The following FAM135A variants were observed in gnomAD, a reference collection of about 807,000 sequenced individuals.
FAM135A encodes family with sequence similarity 135 member A.
FAM135A carries 79 observed loss-of-function variants against 146.8 expected under a neutral mutation model. That is an observed-to-expected ratio of 0.54 (90% CI 0.45 to 0.65). The LOEUF is 0.65. Ranked by LOEUF, FAM135A falls within the 30% of genes least tolerant of loss-of-function variation. The probability of loss-of-function intolerance (pLI) is 0.00; values close to 1 mark genes in which losing one functional copy is unlikely to be tolerated. For synonymous variants in FAM135A, 562 were observed against 603.6 expected, an observed-to-expected ratio of 0.93 and a Z score of 1.01; for missense variants, 1,623 against 1,758.2, an observed-to-expected ratio of 0.92 and a Z score of 1.38.
At chr6:70,473,278 C>T (rs986045679) in intron 5 of FAM135A, among the ~76,000 whole-genome samples, 2 of 152,186 alleles carry the variant, frequency 1.3e-5, no homozygotes, top group Admixed American at 6.5e-5. Flanking sequence ...CCAACCATTT[C>T]TACAAAGCTG....
rs140780976 is a variant in FAM135A, at chr6:70,548,520, C to T, written c.4229-8230C>T. Among the ~76,000 whole-genome samples, 7 of 152,238 alleles carry T rather than the reference C, an allele frequency of 4.6e-5. No individual in the cohort carries two copies. The East Asian group carries it at 1.2e-3, about 25-fold the overall frequency. On this transcript the variant is annotated intron_variant, in intron 20 of 21. Transcript: ENST00000418814. ...GATTTTGCCTGCTTCCACTGAGCTG[C>T]GTGAACATGAGGAGCCATAGACACC...
intron 2 of FAM135A, among the ~76,000 whole-genome samples, chr6:70,424,859 C>T (rs2127741982): frequency 6.6e-6 from 1 of 152,178 alleles, no homozygotes. Context: ...GTTTTATTTC[C>T]ACATAACAGT....
intron 5 of FAM135A, among the ~76,000 whole-genome samples, chr6:70,455,621 T>A (rs1275026160): frequency 1.3e-5 from 2 of 152,274 alleles, no homozygotes; most frequent in South Asian, 2.1e-4. Context: ...GTGTACTCTT[T>A]TGAACATCCT....
intron 2 of FAM135A, among the ~76,000 whole-genome samples, chr6:70,421,869 CTG>C (rs753220420): frequency 6.6e-6 from 1 of 152,190 alleles, no homozygotes; most frequent in African/African-American, 2.4e-5. Flanking sequence ...AGCCAGCAGA[CTG>C]TGCAGGAGGG....
At chr6:70,414,045 G>C (rs1040226969) in intron 1 of FAM135A, 43 of 985,432 alleles carry the variant, frequency 4.4e-5, no homozygotes, top group Non-Finnish European at 5.2e-5. Context: ...CATCTTCGTC[G>C]CTCTGTCCCT....
chr6:70,464,667 C>CTTTTTTTTTTTTTT (rs533623758), intron 5 of FAM135A, among the ~76,000 whole-genome samples: 12 of 99,354 alleles, frequency 1.2e-4, no homozygotes, highest in Non-Finnish European at 2.1e-4. Flanking sequence ...TCTTTTTTTT[C>CTTTTTTTTTTTTTT]TTTTTTTTTT....
chr6:70,431,192 G>T (rs1462187995), intron 4 of FAM135A, among the ~76,000 whole-genome samples: 1 of 151,972 alleles, frequency 6.6e-6, no homozygotes, highest in Non-Finnish European at 1.5e-5. Context: ...ATTGTTTATT[G>T]TCACAATAAT....
chr6:70,459,981 A>G (rs1164650413), intron 5 of FAM135A, among the ~76,000 whole-genome samples: 1 of 152,216 alleles, frequency 6.6e-6, no homozygotes, highest in African/African-American at 2.4e-5. Flanking sequence ...CAGTGAGCCA[A>G]GATCGCATCA....
At chr6:70,505,150 A>G (rs1368562118) in intron 12 of FAM135A, among the ~76,000 whole-genome samples, 1 of 152,098 alleles carries the variant, frequency 6.6e-6, no homozygotes, top group Non-Finnish European at 1.5e-5. Context: ...TTATAGACAT[A>G]GTATTCTTTT....
intron 3 of FAM135A, among the ~76,000 whole-genome samples, chr6:70,428,038 TTTA>T (rs1770612552): frequency 6.6e-6 from 1 of 152,202 alleles, no homozygotes; most frequent in Non-Finnish European, 1.5e-5. Flanking sequence ...TGTTGTATTA[TTTA>T]TTATCACATA....
intron 18 of FAM135A, 130 bp downstream of exon 18, chr6:70,533,984 A>G (rs1796311507): frequency 2.3e-6 from 1 of 429,116 alleles, no homozygotes; most frequent in Non-Finnish European, 3.9e-6. Context: ...TTTATAGTGA[A>G]AAAAAGTAAA....
chr6:70,494,735 G>A (rs567858201), intron 11 of FAM135A, among the ~76,000 whole-genome samples: 23 of 152,046 alleles, frequency 1.5e-4, no homozygotes, highest in African/African-American at 3.4e-4. Context: ...TCAGAACTGC[G>A]GTATCATGAT....
chr6:70,443,411 C>T (rs1407225411), intron 4 of FAM135A, among the ~76,000 whole-genome samples: 1 of 152,188 alleles, frequency 6.6e-6, no homozygotes, highest in East Asian at 1.9e-4. Context: ...GTATGCAGTA[C>T]AGTACAATAT....
intron 4 of FAM135A, among the ~76,000 whole-genome samples, chr6:70,436,315 G>A (rs957767136): frequency 6.6e-6 from 1 of 152,070 alleles, no homozygotes; most frequent in Admixed American, 6.6e-5. Context: ...TCTTCAGTAA[G>A]ATATAAGGAC....
At chr6:70,425,729 A>G (rs1265471083) in intron 2 of FAM135A, among the ~76,000 whole-genome samples, 6 of 152,250 alleles carry the variant, frequency 3.9e-5, no homozygotes, top group Admixed American at 6.5e-5. Context: ...ACATACATAC[A>G]TATATGCATA....
intron 12 of FAM135A, among the ~76,000 whole-genome samples, chr6:70,512,928 G>A (rs1582666336): frequency 6.6e-6 from 1 of 151,500 alleles, no homozygotes; most frequent in Admixed American, 6.6e-5. Flanking sequence ...TTAGGACCAT[G>A]GGTCATCTTG....
chr6:70,501,957 A>C (rs1248168168), intron 11 of FAM135A, among the ~76,000 whole-genome samples: 1 of 152,308 alleles, frequency 6.6e-6, no homozygotes, highest in Middle Eastern at 3.4e-3. Flanking sequence ...TAGTTTGTTT[A>C]CCTGCTTTTC....
Position 70,538,331 on chromosome 6 carries a change from T to C in FAM135A, c.4158T>C (p.Leu1386=), listed in dbSNP as rs1797156782. 1 of 1,527,156 alleles carries C rather than the reference T, an allele frequency of 6.5e-7. No individual in the cohort carries two copies. The highest frequency in any genetic ancestry group is 1.4e-5 in the African/African-American group (1 of 73,020). 94.6% of individuals were successfully genotyped at this position (1,527,156 alleles called of 1,614,324 possible). The change falls in exon 20 of 22, where the codon CTT becomes CTC. Residue 1386 remains leucine, a synonymous_variant. Coordinates refer to ENST00000418814, the MANE Select transcript of FAM135A (RefSeq NM_001162529.3). ...AGAAATGGAAAAAATCAGGTTCGCT[T>C]TTGCAGCTGACATGTCGAGATCACT... is the stretch of plus-strand genomic sequence containing the variant. ...FMQKWKKSGS[L]LQLTCRDHSD... is the part of the protein sequence containing the mutation.
At chr6:70,450,852 A>T (rs1175389515) in intron 4 of FAM135A, among the ~76,000 whole-genome samples, 1 of 144,624 alleles carries the variant, frequency 6.9e-6, no homozygotes, top group African/African-American at 2.6e-5. Context: ...AGCAATTCTC[A>T]TGCCTCAGCC....
Sources: allele counts gnomAD v4.1 joint callset (sites outside exome capture counted in the v4.1 genomes callset), GRCh38; gene constraint gnomAD v4.1.1; transcripts MANE v1.5; gene names NCBI Gene and HGNC (gene_info 2026-07-23, HGNC 2026-07-21).